DACH1: variants seen among roughly 807,000 people sequenced by gnomAD.
The protein encoded by DACH1 is dachshund homolog 1.
DACH1 carries 12 observed loss-of-function variants against 54.2 expected under a neutral mutation model. The observed-to-expected ratio is 0.22, with a 90% confidence interval of 0.14 to 0.36. The LOEUF (loss-of-function observed/expected upper bound fraction) is 0.36. Among genes scored for constraint, DACH1 ranks in the 10% least tolerant of loss-of-function variants. DACH1 has a pLI of 1.00. For synonymous variants in DACH1, 386 were observed against 366.2 expected (o/e 1.05, Z -0.62); for missense variants, 805 against 929.8 (o/e 0.87, Z 1.75).
chr13:71,836,178 A>C lies in DACH1; in HGVS notation c.848+29744T>G, dbSNP rs190050263. On this transcript the variant is annotated intron_variant, in intron 1 of 10. Transcript: ENST00000613252. ...ATTCCTTTCACCATCTTGAGAAAAA[A>C]GGTACCATTATAGAGTATTCTAGAT... Among the ~76,000 whole-genome samples, 39 of 152,128 alleles carry C rather than the reference A, an allele frequency of 2.6e-4. No individual in the cohort carries two copies. The East Asian group carries it at 5.6e-3, about 22-fold the overall frequency.
chr13:71,687,079 C>A (rs1211464626), intron 1 of DACH1, among the ~76,000 whole-genome samples: 1 of 152,190 alleles, frequency 6.6e-6, no homozygotes, highest in African/African-American at 2.4e-5. Context: ...ACTTGCTCTG[C>A]TGATCTGCAA....
chr13:71,536,046 CATTTTGATAGT>C (rs1421821070), intron 6 of DACH1, among the ~76,000 whole-genome samples: 3 of 151,848 alleles, frequency 2.0e-5, no homozygotes, highest in African/African-American at 7.2e-5. Flanking sequence ...ACTTTTATTT[CATTTTGATAGT>C]AAATGATTAA....
At chr13:71,683,374 A>T (rs1881004808) in intron 1 of DACH1, among the ~76,000 whole-genome samples, 1 of 152,172 alleles carries the variant, frequency 6.6e-6, no homozygotes, top group African/African-American at 2.4e-5. Context: ...AATTCTGAAG[A>T]AGAATTAACC....
At chr13:71,618,121 T>A (rs1162530920) in intron 3 of DACH1, among the ~76,000 whole-genome samples, 1 of 152,126 alleles carries the variant, frequency 6.6e-6, no homozygotes. Flanking sequence ...AAATAAAATA[T>A]GTAATTTCAC....
chr13:71,809,543 T>C (rs1444201291), intron 1 of DACH1, among the ~76,000 whole-genome samples: 1 of 152,164 alleles, frequency 6.6e-6, no homozygotes, highest in Non-Finnish European at 1.5e-5. Flanking sequence ...AATTAATAAG[T>C]AAAACTTAAG....
At chr13:71,591,675 G>T (rs1873722454) in intron 3 of DACH1, among the ~76,000 whole-genome samples, 1 of 152,082 alleles carries the variant, frequency 6.6e-6, no homozygotes, top group Non-Finnish European at 1.5e-5. Context: ...TATGAAATGA[G>T]ATGTGACTTC....
At chr13:71,830,777 G>A (rs1888554853) in intron 1 of DACH1, among the ~76,000 whole-genome samples, 1 of 151,808 alleles carries the variant, frequency 6.6e-6, no homozygotes, top group Non-Finnish European at 1.5e-5. Context: ...AAAAGGAAGA[G>A]CTGCCAATCC....
At chr13:71,533,203 GA>G (rs1882530280) in intron 6 of DACH1, among the ~76,000 whole-genome samples, 1 of 151,790 alleles carries the variant, frequency 6.6e-6, no homozygotes, top group Admixed American at 6.6e-5. Context: ...AAGCGTATAA[GA>G]TTTTTTTCCT....
At chr13:71,574,523 CAT>C (rs758843974) in intron 3 of DACH1, among the ~76,000 whole-genome samples, 77 of 152,162 alleles carry the variant, frequency 5.1e-4, no homozygotes, top group Non-Finnish European at 1.1e-3. Context: ...ATCTCTACGA[CAT>C]AGTTTTTAAT....
intron 4 of DACH1, among the ~76,000 whole-genome samples, chr13:71,570,490 C>T (rs1885131182): frequency 6.6e-6 from 1 of 152,124 alleles, no homozygotes; most frequent in Non-Finnish European, 1.5e-5. Context: ...TAATCATTCT[C>T]AATTAGAGCC....
rs894547404 is a variant in DACH1 at position 71,438,665 on chromosome 13, C to G, written c.*1990G>C. On this transcript the variant is annotated 3_prime_UTR_variant, in exon 11 of 11. Transcript: ENST00000613252. Reference sequence around the variant, plus strand: ...TTCTACTACATATGTAAGTTGTAGGCTTTTTTAAAAATCTTTCAAAAAATG... The same window carrying G: ...TTCTACTACATATGTAAGTTGTAGGGTTTTTTAAAAATCTTTCAAAAAATG... 1 of 152,340 alleles carries G rather than the reference C, an allele frequency of 6.6e-6. No homozygotes were observed. Among genetic ancestry groups the G allele is most frequent in the Non-Finnish European group, 1.5e-5 (1 of 67,872 alleles). The allele number at this position is 152,340 out of a possible 1,614,324, so 9.4% of individuals were successfully genotyped here.
intron 1 of DACH1, among the ~76,000 whole-genome samples, chr13:71,689,346 T>C (rs558902607): frequency 1.3e-5 from 2 of 152,238 alleles, no homozygotes; most frequent in East Asian, 3.9e-4. Flanking sequence ...TTTGACCAAA[T>C]TCTGTAAAAG....
At chr13:71,724,545 C>T (rs1287226293) in intron 1 of DACH1, among the ~76,000 whole-genome samples, 1 of 152,160 alleles carries the variant, frequency 6.6e-6, no homozygotes, top group Non-Finnish European at 1.5e-5. Flanking sequence ...CTTGGAAACA[C>T]TCTTGATATG....
chr13:71,526,890 G>T (rs1456952261), intron 6 of DACH1, among the ~76,000 whole-genome samples: 1 of 151,746 alleles, frequency 6.6e-6, no homozygotes, highest in African/African-American at 2.4e-5. Flanking sequence ...TTCCTGAGCT[G>T]TCTCCTTCAG....
intron 1 of DACH1, among the ~76,000 whole-genome samples, chr13:71,820,546 C>A (rs1262559808): frequency 1.3e-5 from 2 of 152,006 alleles, no homozygotes; most frequent in Non-Finnish European, 2.9e-5. Context: ...ACATAATATT[C>A]TTTGGATGGC....
At chr13:71,811,523 A>G (rs927629309) in intron 1 of DACH1, among the ~76,000 whole-genome samples, 4 of 152,290 alleles carry the variant, frequency 2.6e-5, no homozygotes, top group African/African-American at 9.6e-5. Flanking sequence ...CTAGTTTGCT[A>G]CTATTCTATC....
Position 71,866,262 on chromosome 13 carries a change from T to A in DACH1, c.508A>T (p.Lys170Ter). 6.2e-7 allele frequency: 1 copy of A among 1,602,216 alleles called. No homozygotes were observed. The highest frequency in any genetic ancestry group is 8.5e-7 in the Non-Finnish European group (1 of 1,173,930). ...GGGGACGGGGTTGAGTACACGGGTT[T>A]CCCGGGGAGGGGGCCGCAGCTGCTG... ...SSSSCGPLPG[K>*]PVYSTPSPVE... The change falls in exon 1 of 11, where the codon AAA (lysine) becomes TAA (stop). Residue 170 changes from lysine (K) to a stop codon, truncating the protein, a stop_gained. Coordinates refer to ENST00000613252, the MANE Select transcript of DACH1 (RefSeq NM_080759.6). LOFTEE classifies it high-confidence loss of function.
chr13:71,665,865 C>T (rs1250487480), intron 2 of DACH1, among the ~76,000 whole-genome samples: 1 of 152,084 alleles, frequency 6.6e-6, no homozygotes, highest in Non-Finnish European at 1.5e-5. Context: ...TTGGGCCCTT[C>T]ATTTCCATTT....
At chr13:71,844,942 A>G (rs1394877545) in intron 1 of DACH1, among the ~76,000 whole-genome samples, 2 of 152,152 alleles carry the variant, frequency 1.3e-5, no homozygotes, top group African/African-American at 4.8e-5. Context: ...AGAACAGTGG[A>G]TACTAAAGGC....
Sources: gnomAD v4.1 joint callset for allele counts (sites outside exome capture counted in the v4.1 genomes callset) on GRCh38, gnomAD v4.1.1 for gene constraint, MANE v1.5 for transcripts, NCBI Gene and HGNC (gene_info 2026-07-23, HGNC 2026-07-21) for gene names.